DYNC2I1: variants seen among roughly 807,000 people sequenced by gnomAD.
DYNC2I1 encodes the protein cytoplasmic dynein 2 intermediate chain 1.
Under a neutral mutation model 133.4 loss-of-function variants are expected in DYNC2I1, and 89 were observed. The ratio of observed to expected loss-of-function variants is 0.67; its 90% confidence interval spans 0.56 to 0.80. The LOEUF is 0.80. Ranked by LOEUF, DYNC2I1 falls within the 30% of genes least tolerant of loss-of-function variation. The probability of loss-of-function intolerance (pLI) is 0.00; values close to 1 mark genes in which losing one functional copy is unlikely to be tolerated. For missense variants in DYNC2I1, 1,291 were observed against 1,314.5 expected (o/e 0.98, Z 0.28); for synonymous variants, 504 against 484.3 (o/e 1.04, Z -0.54).
chr7:158,943,969 C>T (rs917221266), intron 24 of DYNC2I1, among the ~76,000 whole-genome samples: 9 of 152,192 alleles, frequency 5.9e-5, no homozygotes, highest in Non-Finnish European at 1.2e-4. Context: ...AAGGAGGTGG[C>T]GCTCTCTCCT....
At chr7:158,863,489 TTGG>T (rs1354063529) in intron 1 of DYNC2I1, among the ~76,000 whole-genome samples, 3 of 151,468 alleles carry the variant, frequency 2.0e-5, no homozygotes, top group Non-Finnish European at 4.4e-5. Context: ...AATATGGCTG[TTGG>T]TGGTGATGCT....
At chr7:158,921,717 G>A (rs574443039) in intron 15 of DYNC2I1, among the ~76,000 whole-genome samples, 2 of 152,176 alleles carry the variant, frequency 1.3e-5, no homozygotes, top group South Asian at 4.1e-4. Context: ...GTGTGGCTGG[G>A]GTTGGCCGGG....
intron 23 of DYNC2I1, among the ~76,000 whole-genome samples, chr7:158,936,287 A>C (rs1373844140): frequency 6.7e-6 from 1 of 148,564 alleles, no homozygotes; most frequent in Non-Finnish European, 1.5e-5. Flanking sequence ...CCCACAAAAA[A>C]CCAAAACCAA....
At chr7:158,908,733 C>G (rs13239819) in intron 11 of DYNC2I1, among the ~76,000 whole-genome samples, 36,144 of 152,066 alleles carry the variant, frequency 0.24, 5,100 homozygotes, top group East Asian at 0.52. Flanking sequence ...CACCCCTTCC[C>G]CTGAGCCGGA....
intron 23 of DYNC2I1, among the ~76,000 whole-genome samples, chr7:158,938,109 A>G (rs897075625): frequency 6.6e-6 from 1 of 152,216 alleles, no homozygotes; most frequent in African/African-American, 2.4e-5. Context: ...ATATCCAGGT[A>G]TAGGAAGGTC....
chr7:158,924,964 C>T (rs1449126155), intron 17 of DYNC2I1, among the ~76,000 whole-genome samples: 1 of 152,194 alleles, frequency 6.6e-6, no homozygotes, highest in Non-Finnish European at 1.5e-5. Flanking sequence ...CCATGTTGGT[C>T]AGGCTGGTCT....
chr7:158,946,862 G>C (rs1348838432), downstream of DYNC2I1, among the ~76,000 whole-genome samples: 2 of 152,172 alleles, frequency 1.3e-5, no homozygotes, highest in Non-Finnish European at 2.9e-5. Flanking sequence ...CTTCTCACTG[G>C]GGCACAAGAT....
At chr7:158,890,347 T>C (rs1845080635) in intron 7 of DYNC2I1, among the ~76,000 whole-genome samples, 1 of 152,082 alleles carries the variant, frequency 6.6e-6, no homozygotes, top group Non-Finnish European at 1.5e-5. Flanking sequence ...AAATATATGA[T>C]GTGTTTTTTT....
intron 6 of DYNC2I1, among the ~76,000 whole-genome samples, chr7:158,885,057 T>C (rs1563111058): frequency 6.6e-6 from 1 of 152,156 alleles, no homozygotes; most frequent in Non-Finnish European, 1.5e-5. Flanking sequence ...TGGGCAGTTT[T>C]GCACCTTTAC....
chr7:158,919,378 T>A (rs1848787558), intron 15 of DYNC2I1, among the ~76,000 whole-genome samples: 1 of 152,176 alleles, frequency 6.6e-6, no homozygotes, highest in Non-Finnish European at 1.5e-5. Context: ...GCCCAGGATC[T>A]CAAACAGAAA....
intron 7 of DYNC2I1, among the ~76,000 whole-genome samples, chr7:158,889,578 T>C (rs1189093071): frequency 6.6e-6 from 1 of 152,200 alleles, no homozygotes; most frequent in East Asian, 1.9e-4. Context: ...TTAACTAGAA[T>C]TATAATGTGA....
At chr7:158,946,858 A>G (rs1851902093), downstream of DYNC2I1, among the ~76,000 whole-genome samples, 2 of 152,110 alleles carry the variant, frequency 1.3e-5, no homozygotes, top group African/African-American at 2.4e-5. Context: ...AGGTCTTCTC[A>G]CTGGGGCACA....
intron 23 of DYNC2I1, among the ~76,000 whole-genome samples, chr7:158,940,096 A>G (rs913443722): frequency 1.3e-5 from 2 of 152,204 alleles, no homozygotes; most frequent in Admixed American, 1.3e-4. Context: ...CCAGACAGAA[A>G]GTCAACAAAG....
chr7:158,873,905 C>T (rs940302093), intron 3 of DYNC2I1, among the ~76,000 whole-genome samples: 6 of 151,710 alleles, frequency 4.0e-5, no homozygotes, highest in African/African-American at 1.2e-4. Flanking sequence ...TATAAGCACA[C>T]GCCACCACAC....
Position 158,856,620 on chromosome 7 carries a change from T to C in DYNC2I1, c.-116T>C. The C allele has an allele frequency of 9.1e-7, 1 of 1,100,860 alleles. No individual in the cohort carries two copies. The allele number at this position is 1,100,860 out of a possible 1,614,324, so 68.2% of individuals were successfully genotyped here. A position where few individuals can be genotyped will look rare whatever the true frequency, so the allele number is the denominator to read the frequency against. On this transcript the variant is annotated 5_prime_UTR_variant, in exon 1 of 25. Coordinates refer to ENST00000407559, the MANE Select transcript of DYNC2I1 (RefSeq NM_018051.5). ...GCCCTCTGCTGCTCCTGCTTGTCGG[T>C]TGCTAGGCGCTGGGACGCGCCTCCC...
intron 6 of DYNC2I1, among the ~76,000 whole-genome samples, chr7:158,886,341 C>T (rs928994059): frequency 9.2e-5 from 14 of 152,010 alleles, no homozygotes; most frequent in African/African-American, 3.4e-4. Context: ...TCCATGTTGG[C>T]CAGACTGGTC....
chr7:158,863,802 T>C, intron 1 of DYNC2I1, among the ~76,000 whole-genome samples: 1 of 115,466 alleles, frequency 8.7e-6, no homozygotes, highest in Non-Finnish European at 1.8e-5. Context: ...GAGCGGGACG[T>C]CCTTAGCTCT....
At chr7:158,909,819 C>T (rs1263468519) in intron 11 of DYNC2I1, among the ~76,000 whole-genome samples, 2 of 152,000 alleles carry the variant, frequency 1.3e-5, no homozygotes, top group African/African-American at 2.4e-5. Flanking sequence ...CGCACAGGGT[C>T]GAGGGGATGA....
chr7:158,917,169 CGTG>C (rs1332131178), intron 14 of DYNC2I1, among the ~76,000 whole-genome samples: 1 of 116,596 alleles, frequency 8.6e-6, no homozygotes, highest in East Asian at 2.9e-4. Context: ...AATGTTGACA[CGTG>C]GTTGACATTA....
Sources: gnomAD v4.1 joint callset for allele counts (sites outside exome capture counted in the v4.1 genomes callset) on GRCh38, gnomAD v4.1.1 for gene constraint, MANE v1.5 for transcripts, NCBI Gene and HGNC (gene_info 2026-07-23, HGNC 2026-07-21) for gene names.